The following COL24A1 variants were observed in gnomAD, a reference collection of about 807,000 sequenced individuals.
COL24A1 encodes the protein collagen alpha-1(XXIV) chain.
Under a neutral mutation model 253.9 loss-of-function variants are expected in COL24A1, and 224 were observed. That is an observed-to-expected ratio of 0.88 (90% CI 0.79 to 0.99). The LOEUF (loss-of-function observed/expected upper bound fraction) is 0.99. Among genes scored for constraint, COL24A1 ranks in the 50% least tolerant of loss-of-function variants. The pLI is 0.00. For missense variants in COL24A1, 2,131 were observed against 2,068.5 expected, an observed-to-expected ratio of 1.03 and a Z score of -0.59; for synonymous variants, 685 against 673.7, an observed-to-expected ratio of 1.02 and a Z score of -0.26.
At chr1:85,757,806 C>T (rs904207444) in intron 55 of COL24A1, among the ~76,000 whole-genome samples, 1 of 152,096 alleles carries the variant, frequency 6.6e-6, no homozygotes, top group African/African-American at 2.4e-5. Flanking sequence ...CCTGGGAAGT[C>T]ATTCAGTCAC....
At chr1:85,781,419 C>T (rs371625025) in intron 51 of COL24A1, 146 bp from the exon 52 acceptor site, 4 of 491,562 alleles carry the variant, frequency 8.1e-6, no homozygotes, top group South Asian at 5.1e-5. Context: ...GCATAAATTA[C>T]AATAATCTTG....
At chr1:85,855,725 G>A (rs1678359722) in intron 37 of COL24A1, among the ~76,000 whole-genome samples, 1 of 152,150 alleles carries the variant, frequency 6.6e-6, no homozygotes, top group Non-Finnish European at 1.5e-5. Flanking sequence ...ATGAATAAGG[G>A]AGGAATCCCT....
At chr1:85,769,217 A>G (rs1323355635) in intron 53 of COL24A1, among the ~76,000 whole-genome samples, 4 of 152,214 alleles carry the variant, frequency 2.6e-5, no homozygotes, top group African/African-American at 4.8e-5. Context: ...TGTGAGGGAC[A>G]CAGCATTAAA....
chr1:85,742,084 C>T lies in COL24A1; in HGVS notation c.4672+2582G>A, dbSNP rs543463074. 2.6e-3 allele frequency among the ~76,000 whole-genome samples: 401 copies of T among 151,334 alleles called. 4 individuals are homozygous for T. The highest frequency in any genetic ancestry group is 6.3e-3 in the South Asian group (30 of 4,768). On this transcript the variant is annotated intron_variant, in intron 57 of 59. Transcript: ENST00000370571. ...GCTAGTTCGCCCTCACCTTCCTGAT[C>T]TTTAAACATTAGAGAACCCTAGGAT...
intron 47 of COL24A1, among the ~76,000 whole-genome samples, chr1:85,794,894 T>C (rs561771660): frequency 6.6e-6 from 1 of 152,120 alleles, no homozygotes; most frequent in African/African-American, 2.4e-5. Context: ...TATTCTCAGA[T>C]AGGAGCCAGT....
At chr1:85,917,956 C>T (rs531049825) in intron 24 of COL24A1, among the ~76,000 whole-genome samples, 1 of 152,254 alleles carries the variant, frequency 6.6e-6, no homozygotes, top group South Asian at 2.1e-4. Context: ...GATCTGCCCG[C>T]CTTGGCCTTC....
intron 3 of COL24A1, among the ~76,000 whole-genome samples, chr1:86,117,293 G>A (rs1361943889): frequency 6.6e-6 from 1 of 152,158 alleles, no homozygotes; most frequent in African/African-American, 2.4e-5. Flanking sequence ...AGGGATTAGT[G>A]TCCTGTAAAA....
chr1:85,840,909 A>G (rs1164496150), intron 42 of COL24A1, among the ~76,000 whole-genome samples: 1 of 152,128 alleles, frequency 6.6e-6, no homozygotes, highest in Non-Finnish European at 1.5e-5. Flanking sequence ...TATGTATCCT[A>G]AAATGTCTAG....
At chr1:85,984,154 G>A (rs1205461392) in intron 20 of COL24A1, among the ~76,000 whole-genome samples, 1 of 151,856 alleles carries the variant, frequency 6.6e-6, no homozygotes, top group Non-Finnish European at 1.5e-5. Flanking sequence ...AAATAGGTCA[G>A]TTGGCTTTCT....
chr1:86,025,919 C>G (rs888089050), intron 14 of COL24A1, among the ~76,000 whole-genome samples: 2 of 152,180 alleles, frequency 1.3e-5, no homozygotes, highest in Admixed American at 6.5e-5. Context: ...CCAAAAATAT[C>G]TCCTTTGTGA....
At chr1:85,793,918 TAAAAAC>T (rs147991676) in intron 47 of COL24A1, among the ~76,000 whole-genome samples, 8,500 of 151,502 alleles carry the variant, frequency 0.056, 320 homozygotes, top group South Asian at 0.11. Context: ...CCCTCCCTAA[TAAAAAC>T]AAAAATAGTA....
At position 86,156,489 on chromosome 1, in the gene COL24A1, A is replaced by G. The variant is rs147497640; in HGVS notation, c.-93T>C. 2.4e-4 allele frequency: 279 copies of G among 1,163,058 alleles called. 1 individual carries two copies. Among genetic ancestry groups the G allele is most frequent in the Middle Eastern group, 4.1e-4 (2 of 4,842 alleles). 72.0% of individuals were successfully genotyped at this position (1,163,058 alleles called of 1,614,324 possible). On this transcript the variant is annotated 5_prime_UTR_variant, in exon 1 of 60. Transcript: ENST00000370571. Reference sequence around the variant, plus strand: ...TGCAGGTACTGTCCATGAAAAAGGGAAAAAACAATCACATGAAAACCATGC... The same window carrying G: ...TGCAGGTACTGTCCATGAAAAAGGGGAAAAACAATCACATGAAAACCATGC...
chr1:86,089,608 C>T (rs1457538368), intron 6 of COL24A1, among the ~76,000 whole-genome samples: 1 of 152,064 alleles, frequency 6.6e-6, no homozygotes, highest in African/African-American at 2.4e-5. Flanking sequence ...CTGCTTGAGG[C>T]CAGGAGTTCA....
At chr1:86,132,853 T>C (rs531003312) in intron 2 of COL24A1, among the ~76,000 whole-genome samples, 8 of 152,156 alleles carry the variant, frequency 5.3e-5, no homozygotes, top group African/African-American at 1.9e-4. Context: ...ATGCGGGCTC[T>C]TTTTTGGTTC....
intron 22 of COL24A1, 25 bp downstream of exon 22, chr1:85,970,202 G>A: frequency 1.9e-6 from 3 of 1,547,548 alleles, no homozygotes; most frequent in Non-Finnish European, 2.6e-6. Flanking sequence ...AAGCACTTAT[G>A]GAAAATTATT....
intron 2 of COL24A1, among the ~76,000 whole-genome samples, chr1:86,135,003 C>T (rs6698735): frequency 0.97 from 146,303 of 151,274 alleles, 70,915 homozygotes; most frequent in South Asian, 1. Context: ...TGTAGGTCTC[C>T]AAGGACTTGC....
At chr1:86,107,683 T>C (rs543642271) in intron 5 of COL24A1, among the ~76,000 whole-genome samples, 245 of 151,902 alleles carry the variant, frequency 1.6e-3, no homozygotes, top group African/African-American at 2.7e-3. Flanking sequence ...TACAGGCGCC[T>C]CCCACCACGC....
At chr1:85,977,799 C>T (rs1692834652) in intron 20 of COL24A1, among the ~76,000 whole-genome samples, 1 of 152,166 alleles carries the variant, frequency 6.6e-6, no homozygotes, top group South Asian at 2.1e-4. Flanking sequence ...CTTTGGAAAA[C>T]TTATTTTAGG....
intron 37 of COL24A1, among the ~76,000 whole-genome samples, chr1:85,868,078 G>T (rs777613228): frequency 9.2e-5 from 14 of 152,098 alleles, no homozygotes; most frequent in Non-Finnish European, 1.8e-4. Flanking sequence ...TGAGGTGAGA[G>T]AATTTGTTCA....
Sources: gnomAD v4.1 joint callset for allele counts (sites outside exome capture counted in the v4.1 genomes callset) on GRCh38, gnomAD v4.1.1 for gene constraint, MANE v1.5 for transcripts, NCBI Gene and HGNC (gene_info 2026-07-23, HGNC 2026-07-21) for gene names.